The following CFAP157 variants were observed in gnomAD, a reference collection of about 807,000 sequenced individuals.
CFAP157 encodes cilia and flagella associated protein 157, also known as cilia- and flagella-associated protein 157.
CFAP157 carries 43 observed loss-of-function variants against 57.8 expected under a neutral mutation model. That is an observed-to-expected ratio of 0.74 (90% CI 0.58 to 0.96). The LOEUF (loss-of-function observed/expected upper bound fraction) is 0.96. Ranked by LOEUF, CFAP157 falls within the 40% of genes least tolerant of loss-of-function variation. CFAP157 has a pLI of 0.00. For synonymous variants in CFAP157, 267 were observed against 269.0 expected (o/e 0.99, Z 0.07); for missense variants, 606 against 655.3 (o/e 0.92, Z 0.82).
chr9:127,713,233 A>C (rs1842810482), intron 8 of CFAP157, 27 bp downstream of exon 8: 1 of 1,503,494 alleles, frequency 6.7e-7, no homozygotes. Context: ...CCCCAGGGAA[A>C]GCAAGGTGGC....
intron 4 of CFAP157, 140 bp from the exon 5 acceptor site, chr9:127,711,679 GC>G: frequency 8.5e-7 from 1 of 1,171,144 alleles, no homozygotes; most frequent in Non-Finnish European, 1.2e-6. Context: ...TTTATTTAAA[GC>G]CCCCATAACT....
chr9:127,711,793 G>T, intron 4 of CFAP157, 27 bp from the exon 5 acceptor site: 1 of 1,549,284 alleles, frequency 6.5e-7, no homozygotes, highest in African/African-American at 1.4e-5. Context: ...GCAGGCTGAG[G>T]GCATGGCCAC....
At position 127,714,574 on chromosome 9, in the gene CFAP157, T is replaced by TC; in HGVS notation, c.*672dup. The TC allele has an allele frequency of 6.2e-7, 1 of 1,608,494 alleles. No homozygotes were observed. The highest frequency in any genetic ancestry group is 8.5e-7 in the Non-Finnish European group (1 of 1,175,164). On this transcript the variant is annotated 3_prime_UTR_variant, in exon 9 of 9. Transcript: ENST00000373295. ...CCCAACTGGGAGGCCTGAAGCCCTA[T>TC]CCCAACCCTGACCATCTCAGGACCT...
At position 127,715,532 on chromosome 9, in the gene CFAP157, C is replaced by T; in HGVS notation, c.*1627C>T. 1 of 1,613,408 alleles carries T rather than the reference C, an allele frequency of 6.2e-7. No individual in the cohort carries two copies. Among genetic ancestry groups the T allele is most frequent in the Non-Finnish European group, 8.5e-7 (1 of 1,180,014 alleles). On this transcript the variant is annotated 3_prime_UTR_variant, in exon 9 of 9. Coordinates refer to ENST00000373295, the MANE Select transcript of CFAP157 (RefSeq NM_001012502.3). The surrounding 1 kb of genome is among the most constrained non-coding windows in gnomAD (Gnocchi z 5.8). ...ACCGGGAGCCCCTACGTCGCCGCCC[C>T]ACGCCACTCACCATCCACCGCTTCC...
In CFAP157 at chr9:127,715,810, A is replaced by G. The variant is rs946628302; in HGVS notation, c.*1905A>G. On this transcript the variant is annotated 3_prime_UTR_variant, in exon 9 of 9. Coordinates refer to ENST00000373295, the MANE Select transcript of CFAP157 (RefSeq NM_001012502.3). The surrounding 1 kb of genome is among the most constrained non-coding windows in gnomAD (Gnocchi z 5.8). ...AGGCGGTGGCCGAGTCCGGGAACCC[A>G]GGCGCCTTCAGTAGCGCGGCGTCAC... is the stretch of plus-strand genomic sequence containing the variant. 1 of 1,311,844 alleles carries G rather than the reference A, an allele frequency of 7.6e-7. No homozygotes were observed. The highest frequency in any genetic ancestry group is 1.3e-5 in the South Asian group (1 of 74,434). The allele number at this position is 1,311,844 out of a possible 1,614,324, so 81.3% of individuals were successfully genotyped here.
In CFAP157 at chr9:127,714,277, C is replaced by T. The variant is rs145355499; in HGVS notation, c.*372C>T. 1.8e-5 allele frequency: 29 copies of T among 1,613,826 alleles called. No individual in the cohort carries two copies. Among genetic ancestry groups the T allele is most frequent in the African/African-American group, 4.0e-5 (3 of 74,940 alleles). ...GCCCGATACCCACCCGCAGCCTTGG[C>T]ATTGCCTGTGGGAGAGCCAGAGAGG... On this transcript the variant is annotated 3_prime_UTR_variant, in exon 9 of 9. Transcript: ENST00000373295.
Position 127,714,812 on chromosome 9 carries a change from A to C in CFAP157, c.*907A>C. On this transcript the variant is annotated 3_prime_UTR_variant, in exon 9 of 9. Transcript: ENST00000373295. Reference sequence around the variant, plus strand: ...CTAATCCCACTTCACATATAAAGAAACTGAGGCCCCCCGAAGTACCCAAAG... The same window carrying C: ...CTAATCCCACTTCACATATAAAGAACCTGAGGCCCCCCGAAGTACCCAAAG... 1 of 1,119,304 alleles carries C rather than the reference A, an allele frequency of 8.9e-7. No individual in the cohort carries two copies. The highest frequency in any genetic ancestry group is 1.3e-6 in the Non-Finnish European group (1 of 765,482). The allele number at this position is 1,119,304 out of a possible 1,614,324, so 69.3% of individuals were successfully genotyped here.
rs566703169 is a variant in CFAP157, at chr9:127,715,561, G to C, written c.*1656G>C. On this transcript the variant is annotated 3_prime_UTR_variant, in exon 9 of 9. Coordinates refer to ENST00000373295, the MANE Select transcript of CFAP157 (RefSeq NM_001012502.3). The surrounding 1 kb of genome is among the most constrained non-coding windows in gnomAD (Gnocchi z 5.8). Reference sequence around the variant, plus strand: ...CCACTCACCATCCACCGCTTCCCCGGGGGGCGAGGCTCCAAAACACATCGG... The same window carrying C: ...CCACTCACCATCCACCGCTTCCCCGCGGGGCGAGGCTCCAAAACACATCGG... 15 of 1,613,444 alleles carry C rather than the reference G, an allele frequency of 9.3e-6. No homozygotes were observed. The highest frequency in any genetic ancestry group is 4.4e-5 in the South Asian group (4 of 91,088).
rs141882314 is a variant in CFAP157, at chr9:127,714,363, A to C, written c.*458A>C. On this transcript the variant is annotated 3_prime_UTR_variant, in exon 9 of 9. Transcript: ENST00000373295. ...GGCCCACCCGACCCAGTTGCACAACAAAAGGGTAGACTCACATTGGAGTTG... is the reference window on the plus strand; with the variant it reads ...GGCCCACCCGACCCAGTTGCACAACCAAAGGGTAGACTCACATTGGAGTTG... 6.2e-7 allele frequency: 1 copy of C among 1,614,210 alleles called. No individual in the cohort carries two copies. Among genetic ancestry groups the C allele is most frequent in the Admixed American group, 1.7e-5 (1 of 60,032 alleles).
chr9:127,707,029 G>C lies in CFAP157; in HGVS notation c.-3G>C. On this transcript the variant is annotated 5_prime_UTR_variant, in exon 1 of 9. Coordinates refer to ENST00000373295, the MANE Select transcript of CFAP157 (RefSeq NM_001012502.3). ...GGGCCTGGAGCCCTGGTTGCCATCA[G>C]CCATGGCTCCCAAAAAGAGTGTGAG... 1 of 1,613,600 alleles carries C rather than the reference G, an allele frequency of 6.2e-7. No homozygotes were observed. Among genetic ancestry groups the C allele is most frequent in the Non-Finnish European group, 8.5e-7 (1 of 1,179,788 alleles).
chr9:127,713,464 G>T, intron 8 of CFAP157: 1 of 383,000 alleles, frequency 2.6e-6, no homozygotes, highest in East Asian at 4.7e-5. Flanking sequence ...GGATCCCCCT[G>T]AAGAGGCCTC....
rs1349752239 is a variant in CFAP157 at position 127,714,405 on chromosome 9, A to AAC, written c.*501_*502dup. Reference sequence around the variant, plus strand: ...TTGGAGTTGAGGCAGCTAATGCAGGAACGGACTCCATTGTGGCCCCTTCAA... The same window carrying AAC: ...TTGGAGTTGAGGCAGCTAATGCAGGAACACGGACTCCATTGTGGCCCCTTCAA... On this transcript the variant is annotated 3_prime_UTR_variant, in exon 9 of 9. Coordinates refer to ENST00000373295, the MANE Select transcript of CFAP157 (RefSeq NM_001012502.3). 6.2e-7 allele frequency: 1 copy of AAC among 1,614,216 alleles called. No individual in the cohort carries two copies. Among genetic ancestry groups the AAC allele is most frequent in the South Asian group, 1.1e-5 (1 of 91,086 alleles).
Position 127,714,493 on chromosome 9 carries a change from G to A in CFAP157, c.*588G>A, listed in dbSNP as rs1588400677. 26 of 1,602,514 alleles carry A rather than the reference G, an allele frequency of 1.6e-5. No individual in the cohort carries two copies. The highest frequency in any genetic ancestry group is 4.5e-5 in the East Asian group (2 of 44,846). On this transcript the variant is annotated 3_prime_UTR_variant, in exon 9 of 9. Transcript: ENST00000373295. ...GTGTCCTTCCACCCCTCCCTGCCCC[G>A]GCTGGGTCAGAGCAGCCCATTTCCT...
chr9:127,713,803 G>C, intron 8 of CFAP157, 31 bp from the exon 9 acceptor site: 2 of 1,600,222 alleles, frequency 1.2e-6, no homozygotes, highest in South Asian at 1.1e-5. Context: ...CACTGCACCC[G>C]GCCTCCAAGC....
In CFAP157 at chr9:127,715,353, T is replaced by G. The variant is rs1046675126; in HGVS notation, c.*1448T>G. The stretch of plus-strand genomic sequence containing the variant: ...GCCCAGAAACCCGACCCCTGAGAAC[T>G]CCAGAAGGCTGGGCAGGCAGGGCGC... On this transcript the variant is annotated 3_prime_UTR_variant, in exon 9 of 9. Coordinates refer to ENST00000373295, the MANE Select transcript of CFAP157 (RefSeq NM_001012502.3). This position sits in a 1 kb window ranked among gnomAD's most constrained non-coding sequence, Gnocchi z 5.8. 2 of 1,228,256 alleles carry G rather than the reference T, an allele frequency of 1.6e-6. No individual in the cohort carries two copies. The highest frequency in any genetic ancestry group is 2.3e-6 in the Non-Finnish European group (2 of 865,044). The allele number at this position is 1,228,256 out of a possible 1,614,324, so 76.1% of individuals were successfully genotyped here.
chr9:127,712,073 G>A, intron 5 of CFAP157, 123 bp downstream of exon 5: 2 of 1,506,488 alleles, frequency 1.3e-6, no homozygotes, highest in South Asian at 1.3e-5. Context: ...CTGCCAGACA[G>A]GCTGAGGCTT....
chr9:127,710,627 T>C lies in CFAP157; in HGVS notation c.460T>C (p.Phe154Leu). 6.3e-7 allele frequency: 1 copy of C among 1,585,262 alleles called. No individual in the cohort carries two copies. The highest frequency in any genetic ancestry group is 8.6e-7 in the Non-Finnish European group (1 of 1,165,670). The stretch of plus-strand genomic sequence containing the variant: ...GGGGAAGCTGGCAGCCCTGGAGGAG[T>C]TCCGGCTGCAGAAAGAGGAGGTCAC... The part of the protein sequence containing the change: ...LGGKLAALEE[F>L]RLQKEEVTDK... Residue 154 changes from phenylalanine (F) to leucine (L), a missense_variant, in exon 3 of 9, where the codon TTC becomes CTC. Phe to Leu is a conservative substitution (Grantham distance 22, BLOSUM62 0). Transcript: ENST00000373295.
chr9:127,715,314 G>T lies in CFAP157; in HGVS notation c.*1409G>T. 1 of 1,328,702 alleles carries T rather than the reference G, an allele frequency of 7.5e-7. No individual in the cohort carries two copies. Among genetic ancestry groups the T allele is most frequent in the Non-Finnish European group, 1.0e-6 (1 of 957,626 alleles). 82.3% of individuals were successfully genotyped at this position (1,328,702 alleles called of 1,614,324 possible). ...CAGAGCAACGCTGCAGTGGGGAAGG[G>T]GCGCGAAGAAGGGGCCCAGAAACCC... is the stretch of plus-strand genomic sequence containing the variant. On this transcript the variant is annotated 3_prime_UTR_variant, in exon 9 of 9. Coordinates refer to ENST00000373295, the MANE Select transcript of CFAP157 (RefSeq NM_001012502.3). The surrounding 1 kb of genome is among the most constrained non-coding windows in gnomAD (Gnocchi z 5.8).
Position 127,713,814 on chromosome 9 carries a change from C to G in CFAP157, c.1492-20C>G. 1 of 1,611,878 alleles carries G rather than the reference C, an allele frequency of 6.2e-7. No homozygotes were observed. The highest frequency in any genetic ancestry group is 8.5e-7 in the Non-Finnish European group (1 of 1,178,314). On this transcript the variant is annotated intron_variant, in intron 8 of 8. Coordinates refer to ENST00000373295, the MANE Select transcript of CFAP157 (RefSeq NM_001012502.3). The stretch of plus-strand genomic sequence containing the variant: ...GAGCCACTGCACCCGGCCTCCAAGC[C>G]AGCATCTTTAATCTTACAGATGCGT...
Sources: allele counts gnomAD v4.1 joint callset, GRCh38; gene constraint gnomAD v4.1.1; non-coding constraint Gnocchi (gnomAD v3.1); transcripts MANE v1.5; gene names NCBI Gene and HGNC (gene_info 2026-07-23, HGNC 2026-07-21).